The following FAM120C variants were observed in gnomAD, a reference collection of about 807,000 sequenced individuals.
FAM120C encodes family with sequence similarity 120 member C.
Under a neutral mutation model 71.2 loss-of-function variants are expected in FAM120C, and 14 were observed. The observed-to-expected ratio is 0.20, with a 90% CI of 0.13 to 0.31. FAM120C has a LOEUF of 0.31. Ranked by LOEUF, FAM120C falls within the 10% of genes least tolerant of loss-of-function variation. FAM120C has a pLI of 1.00. For missense variants in FAM120C, 500 were observed against 879.0 expected (o/e 0.57, Z 5.45); for synonymous variants, 354 against 353.2 (o/e 1.00, Z -0.03).
intron 15 of FAM120C, among the ~76,000 whole-genome samples, chrX:54,078,071 G>A (rs1557120869): frequency 5.9e-5 from 6 of 101,569 alleles, no homozygotes; most frequent in Admixed American, 4.4e-4. Flanking sequence ...AGCCTCCCGA[G>A]TAGCTGGGAC....
intron 13 of FAM120C, among the ~76,000 whole-genome samples, chrX:54,084,696 C>G (rs2146559708): frequency 1.3e-5 from 1 of 79,351 alleles, no homozygotes; most frequent in South Asian, 8.4e-4. Flanking sequence ...GGGCTGTGGA[C>G]AGAGGGAGAC....
chrX:54,085,769 G>C lies in FAM120C; in HGVS notation c.2785C>G (p.Arg929Gly). 21 of 1,211,385 alleles carry C rather than the reference G, an allele frequency of 1.7e-5. 1 individual carries two copies. Among genetic ancestry groups the C allele is most frequent in the Non-Finnish European group, 2.3e-5 (21 of 895,429 alleles). ...GGAAGTGGCATGGAGCCCATAGCTC[G>C]GGAATAAAGTGAAACAGGGTAGAGA... ...PSLYPVSLYS[R>G]AMGSMPLPPQ... Residue 929 changes from arginine (R) to glycine (G), a missense_variant, in exon 13 of 16, where the codon CGA (arginine) becomes GGA (glycine). Arg to Gly is a moderately radical substitution (Grantham distance 125). Around this residue, in one of 11 missense-constraint regions of FAM120C, gnomAD observed 34 missense variants for 45.2 expected, o/e 0.75. Coordinates refer to ENST00000375180, the MANE Select transcript of FAM120C (RefSeq NM_017848.6).
chrX:54,182,994 G>C lies in FAM120C; in HGVS notation c.205C>G (p.Pro69Ala). 1 of 1,159,252 alleles carries C rather than the reference G, an allele frequency of 8.6e-7. No homozygotes were observed. Among genetic ancestry groups the C allele is most frequent in the East Asian group, 3.3e-5 (1 of 30,605 alleles). ...CCGGAGTAGGCACCCAAGGCAGCGG[G>C]CGGAAGCGGCGGTTGCAGAGGCACG... ...GSVPLQPPLP[P>A]AALGAYSGGA... is the part of the protein sequence containing the mutation. The change falls in exon 1 of 16, where the codon CCC becomes GCC. Residue 69 changes from proline to alanine, a missense_variant. Pro to Ala is a conservative substitution (Grantham distance 27). Around this residue, in one of 11 missense-constraint regions of FAM120C, gnomAD observed 79 missense variants for 78.3 expected, o/e 1.01. Coordinates refer to ENST00000375180, the MANE Select transcript of FAM120C (RefSeq NM_017848.6).
intron 2 of FAM120C, among the ~76,000 whole-genome samples, chrX:54,159,045 C>A (rs1557134048): frequency 9.0e-6 from 1 of 111,669 alleles, no homozygotes; most frequent in African/African-American, 3.3e-5. Context: ...TGTGGGGAAC[C>A]AAAGTTGTCT....
At chrX:54,140,417 G>A (rs1375882032) in intron 4 of FAM120C, among the ~76,000 whole-genome samples, 6 of 107,927 alleles carry the variant, frequency 5.6e-5, no homozygotes, top group African/African-American at 2.0e-4. Flanking sequence ...TCAGGAGTTC[G>A]AGACCAGCCT....
Position 54,072,980 on chromosome X carries a change from G to A in FAM120C, c.*53C>T, listed in dbSNP as rs2066717503. On this transcript the variant is annotated 3_prime_UTR_variant, in exon 16 of 16. Transcript: ENST00000375180. ...CTCCTCTAGCTTGGGCCTAAAATCA[G>A]AAAAGTAAAAGTTTTTCCCTCTTCC... 1.7e-6 allele frequency: 2 copies of A among 1,156,745 alleles called. No individual in the cohort carries two copies. The highest frequency in any genetic ancestry group is 6.0e-5 in the East Asian group (2 of 33,231).
chrX:54,081,353 G>A lies in FAM120C; in HGVS notation c.2947C>T (p.Gln983Ter). 1 of 1,209,305 alleles carries A rather than the reference G, an allele frequency of 8.3e-7. No homozygotes were observed. Among genetic ancestry groups the A allele is most frequent in the Non-Finnish European group, 1.1e-6 (1 of 894,670 alleles). The change falls in exon 14 of 16, where the codon CAA becomes TAA. Residue 983 changes from glutamine (Q) to a stop codon, truncating the protein, a stop_gained. Transcript: ENST00000375180. LOFTEE classifies it high-confidence loss of function. ...SSRGRGSFGM[Q>*]VVSVGGPGKG... ...CCTGGCCCACCGACAGAAACCACTT[G>A]CATGCCGAAGGATCCTCGGCCCCTG...
At chrX:54,076,673 T>G (rs1603351193) in intron 15 of FAM120C, among the ~76,000 whole-genome samples, 1 of 111,934 alleles carries the variant, frequency 8.9e-6, no homozygotes, top group African/African-American at 3.2e-5. Flanking sequence ...TTTCTGTCAC[T>G]TTCCTCATCT....
At chrX:54,103,955 T>C (rs1204499672) in intron 10 of FAM120C, among the ~76,000 whole-genome samples, 3 of 112,038 alleles carry the variant, frequency 2.7e-5, no homozygotes, top group Non-Finnish European at 5.6e-5. Flanking sequence ...AATCCAAATA[T>C]CTTGTTATAG....
chrX:54,082,165 G>C (rs1405575100), intron 13 of FAM120C, among the ~76,000 whole-genome samples: 1 of 105,253 alleles, frequency 9.5e-6, no homozygotes, highest in Non-Finnish European at 2.0e-5. Flanking sequence ...TCCAGCCTGG[G>C]GGACGGAGTA....
chrX:54,168,573 C>T, intron 1 of FAM120C, among the ~76,000 whole-genome samples: 1 of 112,444 alleles, frequency 8.9e-6, no homozygotes, highest in Admixed American at 9.5e-5. Flanking sequence ...ATGTAAGCTT[C>T]AAGAAGGCTG....
intron 4 of FAM120C, among the ~76,000 whole-genome samples, chrX:54,141,351 A>C (rs1297865336): frequency 3.6e-5 from 4 of 111,778 alleles, no homozygotes; most frequent in Non-Finnish European, 7.5e-5. Context: ...AGGATGGTTG[A>C]ATATTCAAAA....
rs185610910 is a variant in FAM120C at position 54,074,393 on chromosome X, C to T, written c.3037-1106G>A. On this transcript the variant is annotated intron_variant, in intron 15 of 15. Transcript: ENST00000375180. Reference sequence around the variant, plus strand: ...GAAAAGGAAAAAAAACACAGAAGATCTATGTGCAATATTCCACAGAATCTT... The same window carrying T: ...GAAAAGGAAAAAAAACACAGAAGATTTATGTGCAATATTCCACAGAATCTT... 1.5e-3 allele frequency among the ~76,000 whole-genome samples: 169 copies of T among 112,572 alleles called. 1 individual carries two copies. Among genetic ancestry groups the T allele is most frequent in the African/African-American group, 5.4e-3 (167 of 31,077 alleles).
In FAM120C at chrX:54,133,997, G is replaced by A. The variant is rs1224143073; in HGVS notation, c.1666C>T (p.Arg556Cys). 9.9e-6 allele frequency: 12 copies of A among 1,209,575 alleles called. No individual in the cohort carries two copies. The highest frequency in any genetic ancestry group is 1.3e-5 in the Non-Finnish European group (12 of 894,998). ...HHQPEWGNPN[R>C]DRGSWAQPVD... ...GGCTGTGCCCAGGACCCTCTGTCAC[G>A]ATTGGGATTTCCCCACTCAGGCTGG... is the stretch of plus-strand genomic sequence containing the variant. Residue 556 changes from arginine (R) to cysteine (C), a missense_variant, in exon 8 of 16, where the codon CGT becomes TGT. Transcript: ENST00000375180.
rs1405780929 is a variant in FAM120C at position 54,080,301 on chromosome X, G to A, written c.2979-12C>T. ...GTTCTTTTCCATGCCTTTAGCAAGTGAGAAAAAAAGTGATCATGAGAAACA... is the reference window on the plus strand; with the variant it reads ...GTTCTTTTCCATGCCTTTAGCAAGTAAGAAAAAAAGTGATCATGAGAAACA... On this transcript the variant is annotated splice_polypyrimidine_tract_variant and intron_variant, in intron 14 of 15. Coordinates refer to ENST00000375180, the MANE Select transcript of FAM120C (RefSeq NM_017848.6). The A allele has an allele frequency of 1.7e-6, 2 of 1,188,141 alleles. No individual in the cohort carries two copies. Among genetic ancestry groups the A allele is most frequent in the Admixed American group, 4.5e-5 (2 of 44,882 alleles).
chrX:54,072,159 T>TCTCACA lies in FAM120C; in HGVS notation c.*873_*874insTGTGAG, dbSNP rs1557120123. 2.8e-5 allele frequency: 2 copies of TCTCACA among 71,345 alleles called. No homozygotes were observed. Among genetic ancestry groups the TCTCACA allele is most frequent in the African/African-American group, 1.1e-4 (2 of 18,753 alleles). 5.9% of individuals were successfully genotyped at this position (71,345 alleles called of 1,213,427 possible). A position where few individuals can be genotyped will look rare whatever the true frequency, so the allele number is the denominator to read the frequency against. ...CCCACACCCACACACAAGCACACAT[T>TCTCACA]CACACACACACACACACACACACAC... On this transcript the variant is annotated 3_prime_UTR_variant, in exon 16 of 16. Coordinates refer to ENST00000375180, the MANE Select transcript of FAM120C (RefSeq NM_017848.6).
intron 1 of FAM120C, among the ~76,000 whole-genome samples, chrX:54,174,447 A>C (rs1557136391): frequency 1.8e-5 from 2 of 112,020 alleles, no homozygotes; most frequent in Non-Finnish European, 3.8e-5. Flanking sequence ...GGAGCTGTAG[A>C]GACCAATAAA....
chrX:54,142,731 A>C (rs1234320822), intron 4 of FAM120C, among the ~76,000 whole-genome samples: 1 of 111,832 alleles, frequency 8.9e-6, no homozygotes, highest in African/African-American at 3.2e-5. Flanking sequence ...GACAGCTTTG[A>C]AGAGAGTAGT....
At position 54,129,595 on chromosome X, in the gene FAM120C, G is replaced by A. The variant is rs1196523225; in HGVS notation, c.2062+3097C>T. ...AGACGATGGGCGGCCAGGCAGAGACGCTCCTCACTTCCCAGACGGGGTGGT... is the reference window on the plus strand; with the variant it reads ...AGACGATGGGCGGCCAGGCAGAGACACTCCTCACTTCCCAGACGGGGTGGT... On this transcript the variant is annotated intron_variant, in intron 9 of 15. Transcript: ENST00000375180. Among the ~76,000 whole-genome samples, 7 of 111,594 alleles carry A rather than the reference G, an allele frequency of 6.3e-5. No individual in the cohort carries two copies. In the East Asian group the frequency reaches 2.0e-3, roughly 32 times the overall value.
Sources: gnomAD v4.1 joint callset for allele counts (sites outside exome capture counted in the v4.1 genomes callset) on GRCh38, gnomAD v4.1.1 for gene constraint, gnomAD v4.1.1 regional missense constraint, MANE v1.5 for transcripts, NCBI Gene and HGNC (gene_info 2026-07-23, HGNC 2026-07-21) for gene names.